Variants in MAP3K20 observed in about 807,000 individuals in gnomAD.
MAP3K20 encodes the protein HCCS-4.
A neutral mutation model predicts 85.7 loss-of-function variants in MAP3K20; 40 were observed. The observed-to-expected ratio is 0.47, with a 90% CI of 0.36 to 0.61. The LOEUF is 0.61. Among genes scored for constraint, MAP3K20 ranks in the 20% least tolerant of loss-of-function variants. The pLI is 0.00. For missense variants in MAP3K20, 817 were observed against 961.7 expected, an observed-to-expected ratio of 0.85 and a Z score of 1.99; for synonymous variants, 325 against 327.7, an observed-to-expected ratio of 0.99 and a Z score of 0.09.
rs549580773 is a variant in MAP3K20 at position 173,131,314 on chromosome 2, C to T, written c.160-38491C>T. On this transcript the variant is annotated intron_variant, in intron 2 of 19. Coordinates refer to ENST00000375213, the MANE Select transcript of MAP3K20 (RefSeq NM_016653.3). ...CATGTACAGTAATTGACATTAGGTGCTCCATTAAACAATGAAATGCCACAG... is the reference window on the plus strand; with the variant it reads ...CATGTACAGTAATTGACATTAGGTGTTCCATTAAACAATGAAATGCCACAG... Among the ~76,000 whole-genome samples, 188 of 152,294 alleles carry T rather than the reference C, an allele frequency of 1.2e-3. 3 individuals are homozygous for T. Among genetic ancestry groups the T allele is most frequent in the African/African-American group, 4.4e-3 (181 of 41,560 alleles).
chr2:173,080,344 C>T (rs573930039), intron 1 of MAP3K20, among the ~76,000 whole-genome samples: 2 of 152,300 alleles, frequency 1.3e-5, no homozygotes, highest in Non-Finnish European at 2.9e-5. Flanking sequence ...TGCCCACTGT[C>T]CTAGTCTGTT....
At chr2:173,139,115 T>C (rs1688893490) in intron 2 of MAP3K20, among the ~76,000 whole-genome samples, 1 of 152,234 alleles carries the variant, frequency 6.6e-6, no homozygotes, top group Non-Finnish European at 1.5e-5. Context: ...CACTGTTACT[T>C]ACATTATTTC....
chr2:173,170,942 CAG>C (rs1338190178), intron 3 of MAP3K20, among the ~76,000 whole-genome samples: 1 of 152,158 alleles, frequency 6.6e-6, no homozygotes, highest in Non-Finnish European at 1.5e-5. Context: ...TTCTTAAACT[CAG>C]AGAGACATGG....
chr2:173,217,525 CAAT>C (rs1684114828), intron 11 of MAP3K20, among the ~76,000 whole-genome samples: 2 of 152,320 alleles, frequency 1.3e-5, no homozygotes, highest in South Asian at 2.1e-4. Context: ...ATTAGAATTA[CAAT>C]AATAAAATCC....
At chr2:173,076,406 C>T (rs1373246981) in intron 1 of MAP3K20, among the ~76,000 whole-genome samples, 1 of 152,036 alleles carries the variant, frequency 6.6e-6, no homozygotes, top group Non-Finnish European at 1.5e-5. Context: ...GGCCAAGCAG[C>T]GGGTGACTGG....
chr2:173,231,221 T>G (rs778589301), intron 12 of MAP3K20, among the ~76,000 whole-genome samples: 1 of 152,254 alleles, frequency 6.6e-6, no homozygotes, highest in Admixed American at 6.5e-5. Context: ...AACCTGGTTT[T>G]GGGCCCAGGC....
intron 16 of MAP3K20, among the ~76,000 whole-genome samples, chr2:173,244,418 G>A (rs776498525): frequency 6.6e-6 from 1 of 152,096 alleles, no homozygotes; most frequent in Non-Finnish European, 1.5e-5. Flanking sequence ...AAAGAGCTCA[G>A]GTATTCAATA....
At chr2:173,209,664 C>T (rs1438191214) in intron 9 of MAP3K20, 65 bp from the exon 10 acceptor site, 13 of 1,368,566 alleles carry the variant, frequency 9.5e-6, no homozygotes, top group Admixed American at 2.1e-5. Context: ...GTAGTATCTA[C>T]GTTTTCTCTT....
intron 11 of MAP3K20, among the ~76,000 whole-genome samples, chr2:173,218,643 G>A (rs1684146140): frequency 6.6e-6 from 1 of 152,154 alleles, no homozygotes; most frequent in Admixed American, 6.5e-5. Flanking sequence ...AGTCTGCGAG[G>A]TTTTGTTTTG....
chr2:173,190,739 C>T (rs1357884653), intron 5 of MAP3K20, among the ~76,000 whole-genome samples, 156 bp from the exon 6 acceptor site: 1 of 152,038 alleles, frequency 6.6e-6, no homozygotes, highest in South Asian at 2.1e-4. Context: ...TAATGTCAGC[C>T]CCCTTTTGCA....
intron 2 of MAP3K20, among the ~76,000 whole-genome samples, chr2:173,156,402 GA>G (rs1372403834): frequency 9.9e-5 from 15 of 152,208 alleles, no homozygotes; most frequent in African/African-American, 3.6e-4. Context: ...TGAGGTCAGA[GA>G]AGGGTTTCTA....
intron 2 of MAP3K20, among the ~76,000 whole-genome samples, chr2:173,108,712 G>A (rs1055983532): frequency 6.6e-6 from 1 of 152,192 alleles, no homozygotes; most frequent in Admixed American, 6.5e-5. Context: ...AAGATTGACA[G>A]AAGTTTTAAA....
intron 5 of MAP3K20, 56 bp downstream of exon 5, chr2:173,187,679 A>G: frequency 6.9e-7 from 1 of 1,445,808 alleles, no homozygotes; most frequent in Non-Finnish European, 9.5e-7. Context: ...ATACACTTGC[A>G]TGTAGAAATG....
At chr2:173,108,583 T>C (rs1687852325) in intron 2 of MAP3K20, among the ~76,000 whole-genome samples, 2 of 152,174 alleles carry the variant, frequency 1.3e-5, no homozygotes, top group East Asian at 3.8e-4. Flanking sequence ...GTTCCATGTA[T>C]AAGATTGGTA....
intron 14 of MAP3K20, among the ~76,000 whole-genome samples, chr2:173,235,985 G>A (rs1684638772): frequency 6.6e-6 from 1 of 151,970 alleles, no homozygotes; most frequent in South Asian, 2.1e-4. Flanking sequence ...GGGTCTAAGG[G>A]CCAGGCACTG....
chr2:173,084,424 C>CAAAAAAAAAAAA (rs60463346), intron 1 of MAP3K20, among the ~76,000 whole-genome samples: 1 of 136,554 alleles, frequency 7.3e-6, no homozygotes, highest in African/African-American at 2.7e-5. Flanking sequence ...CCAAAAAGTG[C>CAAAAAAAAAAAA]AAAAAAAAAA....
intron 2 of MAP3K20, among the ~76,000 whole-genome samples, chr2:173,120,701 C>CT (rs56084110): frequency 0.35 from 17,385 of 49,448 alleles, 3,810 homozygotes; most frequent in Middle Eastern, 0.44. Flanking sequence ...ACTCTCACTT[C>CT]TTTTTTTTTT....
intron 11 of MAP3K20, chr2:173,221,473 CGAT>C (rs575630590): frequency 1.3e-4 from 201 of 1,605,268 alleles, no homozygotes; most frequent in South Asian, 2.0e-4. Context: ...CAGAAGGTGA[CGAT>C]GATGATGATG....
chr2:173,233,573 C>G (rs915563967), intron 14 of MAP3K20, among the ~76,000 whole-genome samples: 24 of 152,150 alleles, frequency 1.6e-4, no homozygotes, highest in African/African-American at 4.8e-4. Context: ...AAACCCACCC[C>G]CCATTCCAGT....
Sources: allele counts gnomAD v4.1 joint callset (sites outside exome capture counted in the v4.1 genomes callset), GRCh38; gene constraint gnomAD v4.1.1; transcripts MANE v1.5; gene names NCBI Gene and HGNC (gene_info 2026-07-23, HGNC 2026-07-21).